Variants in TSEN2 observed in about 807,000 individuals in gnomAD.
TSEN2 encodes the protein tRNA splicing endonuclease subunit 2.
A neutral mutation model predicts 59.2 loss-of-function variants in TSEN2; 54 were observed. The observed-to-expected ratio is 0.91, with a 90% CI of 0.73 to 1.14. The LOEUF is 1.14. TSEN2 is among the 50% of genes most tolerant of loss of function. The pLI is 0.00. For missense variants in TSEN2, 636 were observed against 576.2 expected, an observed-to-expected ratio of 1.10 and a Z score of -1.06; for synonymous variants, 195 against 198.2, an observed-to-expected ratio of 0.98 and a Z score of 0.14.
At chr3:12,510,998 T>C (rs1031720792) in intron 6 of TSEN2, 3 of 152,194 alleles carry the variant, frequency 2.0e-5, no homozygotes, top group Non-Finnish European at 4.4e-5. Flanking sequence ...GTGAACTGCT[T>C]TGAGGATCAG....
At position 12,525,668 on chromosome 3, in the gene TSEN2, C is replaced by T. The variant is rs192269834; in HGVS notation, c.1100-3220C>T. 2.7e-3 allele frequency among the ~76,000 whole-genome samples: 418 copies of T among 152,254 alleles called. 1 individual carries two copies. The highest frequency in any genetic ancestry group is 9.5e-3 in the African/African-American group (393 of 41,552). On this transcript the variant is annotated intron_variant, in intron 8 of 11. Coordinates refer to ENST00000284995, the MANE Select transcript of TSEN2 (RefSeq NM_025265.4). ...ACCTCCTAGGTTAAAATGATCCTCC[C>T]GCGTCAGCCTCCTAAGTAGGTGGGA...
intron 3 of TSEN2, among the ~76,000 whole-genome samples, chr3:12,495,294 A>T (rs973049711): frequency 6.6e-6 from 1 of 152,086 alleles, no homozygotes; most frequent in Non-Finnish European, 1.5e-5. Context: ...CAGTGGTGCA[A>T]TCTCAGCTCA....
At chr3:12,537,345 G>A (rs1265501209), downstream of TSEN2, among the ~76,000 whole-genome samples, 1 of 151,992 alleles carries the variant, frequency 6.6e-6, no homozygotes, top group African/African-American at 2.4e-5. Context: ...GCTGCAGTGA[G>A]CCGTGATTGT....
intron 6 of TSEN2, 91 bp from the exon 7 acceptor site, chr3:12,516,518 GTA>G: frequency 9.5e-7 from 1 of 1,049,854 alleles, no homozygotes. Flanking sequence ...AAGAGCATTT[GTA>G]TTTGAGGTGA....
At chr3:12,506,792 C>G (rs2054885502) in intron 6 of TSEN2, 1 of 985,254 alleles carries the variant, frequency 1.0e-6, no homozygotes, top group African/African-American at 1.7e-5. Flanking sequence ...TGATGGCTTT[C>G]TTTGATAGTT....
chr3:12,501,397 G>A (rs2054270965), intron 4 of TSEN2, among the ~76,000 whole-genome samples: 1 of 152,216 alleles, frequency 6.6e-6, no homozygotes, highest in African/African-American at 2.4e-5. Context: ...TATTAGGGTA[G>A]CCTTACCAGG....
At chr3:12,505,729 A>G (rs1337870598) in intron 6 of TSEN2, among the ~76,000 whole-genome samples, 1 of 149,410 alleles carries the variant, frequency 6.7e-6, no homozygotes, top group African/African-American at 2.5e-5. Flanking sequence ...GGTTGCAGTA[A>G]GCCAAGATCG....
downstream of TSEN2, among the ~76,000 whole-genome samples, chr3:12,536,482 C>A (rs1272893221): frequency 6.6e-6 from 1 of 152,080 alleles, no homozygotes; most frequent in Non-Finnish European, 1.5e-5. Flanking sequence ...AATAAAGAAG[C>A]ACATCTCAGG....
At chr3:12,510,591 C>CGTTTACGCATCGTCTTGTGCCCG (rs1252493357) in intron 6 of TSEN2, among the ~76,000 whole-genome samples, 1 of 152,144 alleles carries the variant, frequency 6.6e-6, no homozygotes, top group East Asian at 1.9e-4. Flanking sequence ...AGTCAGATCT[C>CGTTTACGCATCGTCTTGTGCCCG]GTTTACGCAT....
chr3:12,522,425 A>T (rs2056724459), intron 8 of TSEN2, among the ~76,000 whole-genome samples: 1 of 152,124 alleles, frequency 6.6e-6, no homozygotes, highest in South Asian at 2.1e-4. Context: ...CCACACACAG[A>T]GTCAGACTGG....
chr3:12,497,089 C>G (rs1407252357), intron 4 of TSEN2, among the ~76,000 whole-genome samples: 1 of 152,222 alleles, frequency 6.6e-6, no homozygotes, highest in African/African-American at 2.4e-5. Context: ...CCGTCCCCTC[C>G]TCTGTCTTGG....
intron 4 of TSEN2, among the ~76,000 whole-genome samples, chr3:12,500,429 T>C (rs2054179499): frequency 6.6e-6 from 1 of 151,944 alleles, no homozygotes; most frequent in African/African-American, 2.4e-5. Context: ...GGCCTGGTTC[T>C]GGTATGTGAC....
chr3:12,519,924 A>C (rs1335746945), intron 8 of TSEN2, among the ~76,000 whole-genome samples: 2 of 152,188 alleles, frequency 1.3e-5, no homozygotes, highest in African/African-American at 4.8e-5. Flanking sequence ...CCATGTGCCA[A>C]GCATTTTACT....
chr3:12,506,662 G>C, intron 6 of TSEN2: 1 of 983,754 alleles, frequency 1.0e-6, no homozygotes, highest in South Asian at 4.7e-5. Context: ...CCTCTAACCT[G>C]TGGTCACTTT....
chr3:12,496,121 A>G (rs542740723), intron 3 of TSEN2, among the ~76,000 whole-genome samples: 1 of 152,308 alleles, frequency 6.6e-6, no homozygotes, highest in East Asian at 1.9e-4. Context: ...TGATATACAC[A>G]TGGAAGGCGC....
In TSEN2 at chr3:12,486,691, C is replaced by A. The variant is rs76398817; in HGVS notation, c.-18+1811C>A. 1.7e-3 allele frequency among the ~76,000 whole-genome samples: 258 copies of A among 152,276 alleles called. 5 individuals are homozygous for A. Among genetic ancestry groups the A allele is most frequent in the Admixed American group, 0.014 (208 of 15,290 alleles). On this transcript the variant is annotated intron_variant, in intron 1 of 11. Transcript: ENST00000284995. ...CATTTTCGTCACCCTCCAAAATAAA[C>A]CTCCTGTCTTATTAGCAGTCGCCCC...
intron 1 of TSEN2, 143 bp downstream of exon 1, chr3:12,485,023 C>T (rs903090591): frequency 1.3e-5 from 2 of 152,210 alleles, no homozygotes; most frequent in East Asian, 1.9e-4. Context: ...TGCATTTAAT[C>T]CTGACAACAA....
rs148960113 is a variant in TSEN2 at position 12,531,640 on chromosome 3, T to G, written c.1319T>G (p.Met440Arg). 4.3e-6 allele frequency: 7 copies of G among 1,610,362 alleles called. No homozygotes were observed. The highest frequency in any genetic ancestry group is 5.9e-6 in the Non-Finnish European group (7 of 1,176,622). The part of the protein sequence containing the change: ...TDKEMESPEC[M>R]KRIKVQEVIL... ...AAGGAAATGGAGTCACCAGAATGTA[T>G]GAAAAGGATTAAAGTTCAGGTGGGT... The change falls in exon 11 of 12, where the codon ATG becomes AGG. Residue 440 changes from methionine (M) to arginine (R), a missense_variant. Transcript: ENST00000284995.
intron 1 of TSEN2, among the ~76,000 whole-genome samples, chr3:12,485,536 A>T (rs2052527145): frequency 6.6e-6 from 1 of 152,174 alleles, no homozygotes. Flanking sequence ...GATTAAGTGA[A>T]TTTGAATAGA....
Sources: gnomAD v4.1 joint callset for allele counts (sites outside exome capture counted in the v4.1 genomes callset) on GRCh38, gnomAD v4.1.1 for gene constraint, MANE v1.5 for transcripts, NCBI Gene and HGNC (gene_info 2026-07-23, HGNC 2026-07-21) for gene names.